Variants in RYR3 observed in about 807,000 individuals in gnomAD.
RYR3 encodes the protein brain ryanodine receptor-calcium release channel.
In RYR3, 207 loss-of-function variants were observed where a neutral mutation model predicts 584.3. The ratio of observed to expected loss-of-function variants is 0.35; its 90% confidence interval spans 0.32 to 0.40. RYR3 has a LOEUF of 0.40. Ranked by LOEUF, RYR3 falls within the 10% of genes least tolerant of loss-of-function variation. The pLI, the probability that RYR3 is intolerant of heterozygous loss-of-function variation, is 1.00. For missense variants in RYR3, 5,616 were observed against 6,089.2 expected, an observed-to-expected ratio of 0.92 and a Z score of 2.59; for synonymous variants, 2,416 against 2,248.5, an observed-to-expected ratio of 1.07 and a Z score of -2.11.
chr15:33,479,409 C>A (rs76917217), intron 2 of RYR3, among the ~76,000 whole-genome samples: 3,287 of 135,722 alleles, frequency 0.024, 113 homozygotes, highest in African/African-American at 0.082. Flanking sequence ...TATGAAAGAC[C>A]AGGCTATTAT....
chr15:33,693,171 G>C (rs566264691), intron 38 of RYR3, among the ~76,000 whole-genome samples: 10 of 152,296 alleles, frequency 6.6e-5, no homozygotes, highest in African/African-American at 2.4e-4. Flanking sequence ...CTTTGTTTTT[G>C]TCTTGCTTTC....
chr15:33,732,765 G>A (rs2069078385), intron 48 of RYR3, among the ~76,000 whole-genome samples: 1 of 152,174 alleles, frequency 6.6e-6, no homozygotes, highest in Non-Finnish European at 1.5e-5. Flanking sequence ...TGTTAGGGAT[G>A]GGACCCAAGA....
chr15:33,538,483 C>T (rs2055524410), intron 5 of RYR3, among the ~76,000 whole-genome samples: 1 of 152,160 alleles, frequency 6.6e-6, no homozygotes, highest in South Asian at 2.1e-4. Context: ...GACTCTACTT[C>T]TTTGTTTGAC....
intron 45 of RYR3, among the ~76,000 whole-genome samples, chr15:33,724,692 T>C (rs1367624493): frequency 3.9e-5 from 6 of 152,200 alleles, no homozygotes; most frequent in African/African-American, 7.2e-5. Context: ...AGAAAGTATG[T>C]TCTTTTCTTT....
chr15:33,676,075 C>T (rs1468346132), intron 38 of RYR3, among the ~76,000 whole-genome samples: 5 of 152,090 alleles, frequency 3.3e-5, no homozygotes. Context: ...GAGTGCTAAT[C>T]AGGAAATCTC....
intron 44 of RYR3, 62 bp from the exon 45 acceptor site, chr15:33,724,003 G>T (rs762989486): frequency 2.3e-6 from 2 of 855,378 alleles, no homozygotes; most frequent in Non-Finnish European, 2.0e-6. Flanking sequence ...AGCAGCTTAT[G>T]TCTCGCAGCA....
chr15:33,486,781 G>A (rs928949933), intron 2 of RYR3, among the ~76,000 whole-genome samples: 6 of 152,182 alleles, frequency 3.9e-5, no homozygotes, highest in Non-Finnish European at 5.9e-5. Context: ...GTGAGCCTGA[G>A]TTATTTGGTG....
intron 16 of RYR3, among the ~76,000 whole-genome samples, chr15:33,590,704 G>A (rs2059089134): frequency 6.7e-6 from 1 of 150,030 alleles, no homozygotes; most frequent in African/African-American, 2.5e-5. Context: ...TAATAAGTTA[G>A]TGTTTCGCAG....
At chr15:33,752,405 T>C (rs1174119190) in intron 57 of RYR3, among the ~76,000 whole-genome samples, 2 of 152,242 alleles carry the variant, frequency 1.3e-5, no homozygotes, top group African/African-American at 2.4e-5. Flanking sequence ...TCTTATTTCG[T>C]TGAGCATTGA....
chr15:33,430,023 G>A (rs2044993037), intron 1 of RYR3, among the ~76,000 whole-genome samples: 2 of 152,378 alleles, frequency 1.3e-5, no homozygotes, highest in East Asian at 3.9e-4. Flanking sequence ...TCTAAGATGA[G>A]AGGGGAAGGA....
intron 67 of RYR3, among the ~76,000 whole-genome samples, chr15:33,792,407 C>G (rs929742474): frequency 2.6e-5 from 4 of 152,276 alleles, no homozygotes; most frequent in Non-Finnish European, 5.9e-5. Context: ...CTTTCTCTAT[C>G]CCTTGCCTTC....
At chr15:33,539,285 A>G (rs1595502716) in intron 5 of RYR3, 65 bp from the exon 6 acceptor site, 1 of 1,035,320 alleles carries the variant, frequency 9.7e-7, no homozygotes, top group East Asian at 2.6e-5. Context: ...GAAGGAGAAC[A>G]AGGAGCAAAA....
chr15:33,799,323 C>A (rs937023178), intron 67 of RYR3, among the ~76,000 whole-genome samples: 1 of 152,156 alleles, frequency 6.6e-6, no homozygotes, highest in African/African-American at 2.4e-5. Flanking sequence ...TTGGGACTTT[C>A]AGCCCCACCA....
chr15:33,628,442 A>T, intron 20 of RYR3, 29 bp from the exon 21 acceptor site: 2 of 1,483,210 alleles, frequency 1.3e-6, no homozygotes, highest in Non-Finnish European at 1.9e-6. Context: ...AAAACAATCG[A>T]TTCTTTTCAC....
At chr15:33,851,253 C>A (rs1033034845) in intron 94 of RYR3, 5 of 152,132 alleles carry the variant, frequency 3.3e-5, no homozygotes, top group African/African-American at 9.7e-5. Flanking sequence ...AGAGTATAGA[C>A]CCAGGAGAGA....
chr15:33,344,464 T>C (rs984896593), intron 1 of RYR3, among the ~76,000 whole-genome samples: 1 of 152,208 alleles, frequency 6.6e-6, no homozygotes, highest in Non-Finnish European at 1.5e-5. Context: ...CCCATTTGCT[T>C]GTTTTTGTAC....
chr15:33,811,949 T>G (rs919881660), intron 72 of RYR3, among the ~76,000 whole-genome samples: 1 of 152,142 alleles, frequency 6.6e-6, no homozygotes, highest in Non-Finnish European at 1.5e-5. Flanking sequence ...CACAAAGTCT[T>G]TCCTTTCCGC....
intron 38 of RYR3, among the ~76,000 whole-genome samples, chr15:33,687,016 A>T (rs2065059217): frequency 6.6e-6 from 1 of 152,238 alleles, no homozygotes; most frequent in Non-Finnish European, 1.5e-5. Flanking sequence ...CAAGACAGGG[A>T]TGCCCTCTCT....
At chr15:33,858,091 G>GA in intron 99 of RYR3, 177 bp downstream of exon 99, 1 of 850,142 alleles carries the variant, frequency 1.2e-6, no homozygotes, top group Non-Finnish European at 1.8e-6. Flanking sequence ...GAGTGTCCTG[G>GA]GAAGACAGAA....
Sources: gnomAD v4.1 joint callset for allele counts (sites outside exome capture counted in the v4.1 genomes callset) on GRCh38, gnomAD v4.1.1 for gene constraint, MANE v1.5 for transcripts, NCBI Gene and HGNC (gene_info 2026-07-23, HGNC 2026-07-21) for gene names.